Variants in SLC13A3 observed in about 807,000 individuals in gnomAD.
SLC13A3 encodes the protein solute carrier family 13 member 3.
SLC13A3 carries 40 observed loss-of-function variants against 59.0 expected under a neutral mutation model. The observed-to-expected ratio is 0.68, with a 90% CI of 0.53 to 0.88. The LOEUF (loss-of-function observed/expected upper bound fraction) is 0.88. SLC13A3 is among the 40% of genes least tolerant of loss of function. The pLI, the probability that SLC13A3 is intolerant of heterozygous loss-of-function variation, is 0.00. For missense variants in SLC13A3, 699 were observed against 783.2 expected, an observed-to-expected ratio of 0.89 and a Z score of 1.28; for synonymous variants, 317 against 330.3, an observed-to-expected ratio of 0.96 and a Z score of 0.44.
chr20:46,585,095 G>T, intron 8 of SLC13A3: 1 of 938,716 alleles, frequency 1.1e-6, no homozygotes. Context: ...AGAGTACTAT[G>T]CAGTGTTTTA....
chr20:46,670,902 A>G (rs1271883333), upstream of SLC13A3, among the ~76,000 whole-genome samples: 1 of 152,166 alleles, frequency 6.6e-6, no homozygotes, highest in Non-Finnish European at 1.5e-5. Context: ...AATTCATGGA[A>G]CCACCTCTGT....
intron 3 of SLC13A3, among the ~76,000 whole-genome samples, chr20:46,602,771 A>G (rs73113747): frequency 0.064 from 9,730 of 152,224 alleles, 394 homozygotes; most frequent in Admixed American, 0.1. Flanking sequence ...CCCAAATGTC[A>G]TTGGTAATGA....
In SLC13A3 at chr20:46,664,883, T is replaced by A. The variant is rs150759803; in HGVS notation, c.-31+5160A>T. Among the ~76,000 whole-genome samples, 126 of 152,136 alleles carry A rather than the reference T, an allele frequency of 8.3e-4. 1 individual carries two copies. Among genetic ancestry groups the A allele is most frequent in the African/African-American group, 2.7e-3 (114 of 41,500 alleles). On this transcript the variant is annotated intron_variant, in intron 1 of 12. Transcript: ENST00000290317. Reference sequence around the variant, plus strand: ...TTGAGGCAGCAGGCAACATGACAGGTCTTAGCATCATCAAGGAACTGGAGT... The same window carrying A: ...TTGAGGCAGCAGGCAACATGACAGGACTTAGCATCATCAAGGAACTGGAGT...
chr20:46,680,806 G>A (rs1228412102), intron 1 of SLC13A3, among the ~76,000 whole-genome samples: 1 of 152,178 alleles, frequency 6.6e-6, no homozygotes, highest in African/African-American at 2.4e-5. Flanking sequence ...TCCATGCTGT[G>A]GATGTTGATC....
chr20:46,675,767 A>G (rs560502810), intron 1 of SLC13A3, among the ~76,000 whole-genome samples: 10 of 152,056 alleles, frequency 6.6e-5, no homozygotes, highest in Admixed American at 4.6e-4. Flanking sequence ...GAGATTTAAT[A>G]GAATTCCTGG....
At chr20:46,653,754 C>T (rs561247525), upstream of SLC13A3, among the ~76,000 whole-genome samples, 12 of 152,270 alleles carry the variant, frequency 7.9e-5, no homozygotes, top group African/African-American at 2.9e-4. Context: ...AAGGCTCACC[C>T]ATGTTGTAGC....
intron 1 of SLC13A3, among the ~76,000 whole-genome samples, chr20:46,636,628 C>T (rs1441262108): frequency 6.6e-6 from 1 of 152,142 alleles, no homozygotes; most frequent in Non-Finnish European, 1.5e-5. Context: ...CCCCATGAGG[C>T]TGGTGGGCCT....
chr20:46,639,969 C>A (rs890633243), intron 1 of SLC13A3, among the ~76,000 whole-genome samples: 1 of 152,158 alleles, frequency 6.6e-6, no homozygotes, highest in Non-Finnish European at 1.5e-5. Context: ...AGTGAGGGAA[C>A]CACTCGGTGC....
chr20:46,579,218 C>G (rs115368456), intron 9 of SLC13A3, among the ~76,000 whole-genome samples: 2 of 152,090 alleles, frequency 1.3e-5, no homozygotes, highest in Admixed American at 6.5e-5. Context: ...CTCACTGCAA[C>G]CTTGAACTCC....
chr20:46,631,468 A>G (rs930416212), intron 1 of SLC13A3, among the ~76,000 whole-genome samples: 2 of 152,134 alleles, frequency 1.3e-5, no homozygotes, highest in African/African-American at 2.4e-5. Context: ...TTGAAAGACC[A>G]TTGTGCCCTG....
chr20:46,636,458 G>T (rs1304469608), intron 1 of SLC13A3, among the ~76,000 whole-genome samples: 1 of 152,204 alleles, frequency 6.6e-6, no homozygotes, highest in Non-Finnish European at 1.5e-5. Context: ...GAACACTGAG[G>T]AAATATCCCT....
chr20:46,579,990 G>C (rs1017036223), intron 9 of SLC13A3, among the ~76,000 whole-genome samples: 5 of 151,684 alleles, frequency 3.3e-5, no homozygotes, highest in Admixed American at 2.0e-4. Flanking sequence ...TTTTGAGACA[G>C]AGTCTTACTC....
intron 1 of SLC13A3, among the ~76,000 whole-genome samples, chr20:46,627,400 G>C (rs551138353): frequency 1.3e-5 from 2 of 152,248 alleles, no homozygotes; most frequent in African/African-American, 4.8e-5. Flanking sequence ...TCAGTGTCAT[G>C]AGTGCAATAG....
At chr20:46,674,604 C>CGCGCGCGCGCGCGTGTGTGT (rs370861850), upstream of SLC13A3, among the ~76,000 whole-genome samples, 4 of 127,882 alleles carry the variant, frequency 3.1e-5, no homozygotes, top group African/African-American at 1.3e-4. Flanking sequence ...CGCGCGCGCG[C>CGCGCGCGCGCGCGTGTGTGT]GTGTGTGTGT....
intron 1 of SLC13A3, among the ~76,000 whole-genome samples, chr20:46,630,685 A>G (rs2062727740): frequency 6.6e-6 from 1 of 152,246 alleles, no homozygotes; most frequent in South Asian, 2.1e-4. Context: ...TTAAACCATA[A>G]GTGCCTCCCA....
At chr20:46,583,373 C>T in intron 9 of SLC13A3, 199 bp downstream of exon 9, 1 of 1,335,308 alleles carries the variant, frequency 7.5e-7, no homozygotes, top group African/African-American at 1.5e-5. Flanking sequence ...GGTCTGAAGA[C>T]TGTAGTTGCT....
At chr20:46,626,672 T>C (rs1459465424) in intron 1 of SLC13A3, among the ~76,000 whole-genome samples, 2 of 152,134 alleles carry the variant, frequency 1.3e-5, no homozygotes, top group Non-Finnish European at 2.9e-5. Context: ...TAGTAAGAAG[T>C]GCTGCTGCCC....
intron 1 of SLC13A3, among the ~76,000 whole-genome samples, chr20:46,679,989 G>C (rs972323325): frequency 6.6e-6 from 1 of 152,062 alleles, no homozygotes; most frequent in African/African-American, 2.4e-5. Flanking sequence ...GATGACTCTG[G>C]GAAAGTTGCT....
chr20:46,651,090 A>G (rs1314647787), intron 1 of SLC13A3, among the ~76,000 whole-genome samples: 7 of 152,216 alleles, frequency 4.6e-5, no homozygotes, highest in African/African-American at 1.7e-4. Context: ...AGTGAGATCC[A>G]GAAGGCAGGG....
Sources: gnomAD v4.1 joint callset for allele counts (sites outside exome capture counted in the v4.1 genomes callset) on GRCh38, gnomAD v4.1.1 for gene constraint, MANE v1.5 for transcripts, NCBI Gene and HGNC (gene_info 2026-07-23, HGNC 2026-07-21) for gene names.